Variants in CFAP221 observed in about 807,000 individuals in gnomAD.
The protein encoded by CFAP221 is cilia- and flagella-associated protein 221.
In CFAP221, 97 loss-of-function variants were observed where a neutral mutation model predicts 113.1. The ratio of observed to expected loss-of-function variants is 0.86; its 90% confidence interval spans 0.73 to 1.02. The LOEUF (loss-of-function observed/expected upper bound fraction) is 1.02. Among genes scored for constraint, CFAP221 ranks in the 50% least tolerant of loss-of-function variants. The pLI is 0.00. For synonymous variants in CFAP221, 331 were observed against 354.4 expected (o/e 0.93, Z 0.74); for missense variants, 1,025 against 1,013.4 (o/e 1.01, Z -0.16).
At chr2:119,552,770 T>G (rs566453309) in intron 3 of CFAP221, among the ~76,000 whole-genome samples, 1 of 94,414 alleles carries the variant, frequency 1.1e-5, no homozygotes, top group Admixed American at 1.1e-4. Context: ...AAGAAATAAA[T>G]AGAAATATTT....
intron 17 of CFAP221, among the ~76,000 whole-genome samples, 185 bp from the exon 18 acceptor site, chr2:119,630,385 G>T (rs892473054): frequency 1.2e-4 from 18 of 152,094 alleles, no homozygotes; most frequent in African/African-American, 4.1e-4. Context: ...CCAGAACAGG[G>T]CTCAGGACTT....
chr2:119,553,310 G>A (rs1190832081), intron 3 of CFAP221, among the ~76,000 whole-genome samples: 4 of 152,162 alleles, frequency 2.6e-5, no homozygotes, highest in Admixed American at 2.6e-4. Flanking sequence ...GCCAACAAAC[G>A]GCGTATTTGG....
chr2:119,656,686 G>T (rs1368409174), downstream of CFAP221: 1 of 373,022 alleles, frequency 2.7e-6, no homozygotes, highest in Non-Finnish European at 4.9e-6. Context: ...TCTTGGTGCG[G>T]TGTTTAGTGC....
chr2:119,574,890 C>T (rs189103040), intron 6 of CFAP221, among the ~76,000 whole-genome samples: 2 of 152,294 alleles, frequency 1.3e-5, no homozygotes, highest in East Asian at 1.9e-4. Flanking sequence ...TTATATACTG[C>T]AATTTCAAAA....
intron 21 of CFAP221, among the ~76,000 whole-genome samples, chr2:119,644,926 T>G (rs1353226998): frequency 6.6e-6 from 1 of 152,054 alleles, no homozygotes; most frequent in Non-Finnish European, 1.5e-5. Context: ...CAAAAATCAT[T>G]TCAGAATTGC....
intron 16 of CFAP221, among the ~76,000 whole-genome samples, chr2:119,629,415 G>A (rs1319524679): frequency 6.6e-6 from 1 of 152,098 alleles, no homozygotes; most frequent in Non-Finnish European, 1.5e-5. Flanking sequence ...GCTGGCACAG[G>A]GTGAGAGGAC....
At chr2:119,609,437 A>C (rs559302578) in intron 12 of CFAP221, among the ~76,000 whole-genome samples, 5 of 152,306 alleles carry the variant, frequency 3.3e-5, no homozygotes, top group African/African-American at 1.2e-4. Context: ...TCAAGTTCTC[A>C]GCATGGTTGA....
chr2:119,604,841 GACTA>G, intron 9 of CFAP221, 31 bp from the exon 10 acceptor site: 3 of 1,611,508 alleles, frequency 1.9e-6, no homozygotes, highest in Non-Finnish European at 2.5e-6. Context: ...CAGAGGGGCA[GACTA>G]ACTGATTTCC....
intron 19 of CFAP221, among the ~76,000 whole-genome samples, chr2:119,636,703 G>A (rs530130277): frequency 5.3e-5 from 8 of 152,206 alleles, no homozygotes; most frequent in South Asian, 2.1e-4. Flanking sequence ...GGAACAGGAA[G>A]GGCCTGCGGA....
At chr2:119,616,431 C>A (rs909401415) in intron 14 of CFAP221, among the ~76,000 whole-genome samples, 4 of 152,158 alleles carry the variant, frequency 2.6e-5, no homozygotes, top group Non-Finnish European at 4.4e-5. Flanking sequence ...CTAGGGAGAA[C>A]AATTGAGAAT....
At chr2:119,582,023 G>A (rs1682882073) in intron 6 of CFAP221, among the ~76,000 whole-genome samples, 1 of 152,296 alleles carries the variant, frequency 6.6e-6, no homozygotes, top group South Asian at 2.1e-4. Context: ...ATTAAGGAAA[G>A]ATGTGGAGTA....
At chr2:119,627,820 A>T (rs777318084) in intron 16 of CFAP221, 34 bp downstream of exon 16, 2 of 1,611,306 alleles carry the variant, frequency 1.2e-6, no homozygotes, top group Non-Finnish European at 1.7e-6. Flanking sequence ...CGGGGAGTGG[A>T]CATGATCATG....
intron 23 of CFAP221, among the ~76,000 whole-genome samples, chr2:119,655,343 A>G (rs1057074587): frequency 2.0e-5 from 3 of 152,208 alleles, no homozygotes; most frequent in Non-Finnish European, 2.9e-5. Flanking sequence ...TTACTCAATC[A>G]TTAGTATCTC....
At chr2:119,633,958 A>G (rs1307377345) in intron 19 of CFAP221, among the ~76,000 whole-genome samples, 6 of 152,208 alleles carry the variant, frequency 3.9e-5, no homozygotes, top group Admixed American at 6.5e-5. Flanking sequence ...TGATCCAGCA[A>G]TCTGCTGGGT....
rs771441829 is a variant in CFAP221, at chr2:119,604,995, G to C, written c.1024+8G>C. On this transcript the variant is annotated splice_region_variant and intron_variant, in intron 10 of 23. Coordinates refer to ENST00000413369, the MANE Select transcript of CFAP221 (RefSeq NM_001271049.2). The stretch of plus-strand genomic sequence containing the variant: ...TTAAAGAATTAAGAGAAGGTAACCA[G>C]TTGATTGGCCATAAAGCAGCCCCTG... 6.2e-7 allele frequency: 1 copy of C among 1,611,584 alleles called. No homozygotes were observed. The highest frequency in any genetic ancestry group is 2.2e-5 in the East Asian group (1 of 44,868).
In CFAP221 at chr2:119,630,743, C is replaced by T. The variant is rs144057325; in HGVS notation, c.1840-24C>T. 5.7e-3 allele frequency: 9,243 copies of T among 1,607,646 alleles called. 39 individuals carry two copies. The highest frequency in any genetic ancestry group is 6.2e-3 in the Non-Finnish European group (7,254 of 1,174,348). On this transcript the variant is annotated intron_variant, in intron 18 of 23. Transcript: ENST00000413369. ...CCTCTTATCCTGGCATCAAAACTAA[C>T]GTGCTGTCCTTGCTCCTTGTTAGGA... is the stretch of plus-strand genomic sequence containing the variant.
intron 23 of CFAP221, among the ~76,000 whole-genome samples, chr2:119,652,909 T>A (rs562017734): frequency 1.7e-4 from 26 of 149,276 alleles, no homozygotes; most frequent in Non-Finnish European, 3.3e-4. Flanking sequence ...GTAACATACA[T>A]TTTGTTGTGT....
At chr2:119,593,055 T>C (rs1418481798) in intron 7 of CFAP221, among the ~76,000 whole-genome samples, 1 of 152,266 alleles carries the variant, frequency 6.6e-6, no homozygotes, top group African/African-American at 2.4e-5. Context: ...AATGTTTTCA[T>C]GTTCTATTTG....
chr2:119,575,264 C>T (rs943263614), intron 6 of CFAP221, among the ~76,000 whole-genome samples: 1 of 152,142 alleles, frequency 6.6e-6, no homozygotes, highest in Non-Finnish European at 1.5e-5. Flanking sequence ...ATCTTAGCTG[C>T]CTTCCTCCCC....
Sources: allele counts gnomAD v4.1 joint callset (sites outside exome capture counted in the v4.1 genomes callset), GRCh38; gene constraint gnomAD v4.1.1; transcripts MANE v1.5; gene names NCBI Gene and HGNC (gene_info 2026-07-23, HGNC 2026-07-21).